The following IMMP2L variants were observed in gnomAD, a reference collection of about 807,000 sequenced individuals.
The protein encoded by IMMP2L is mitochondrial inner membrane protease subunit 2.
Under a neutral mutation model 19.3 loss-of-function variants are expected in IMMP2L, and 18 were observed. The ratio of observed to expected loss-of-function variants is 0.93; its 90% CI spans 0.64 to 1.38. IMMP2L has a LOEUF of 1.38. Ranked by LOEUF, IMMP2L falls within the 40% of genes most tolerant of loss-of-function variation. The pLI, the probability that IMMP2L is intolerant of heterozygous loss-of-function variation, is 0.00. For missense variants in IMMP2L, 233 were observed against 218.2 expected (o/e 1.07, Z -0.43); for synonymous variants, 76 against 73.0 (o/e 1.04, Z -0.21).
In IMMP2L at chr7:111,465,366, A is replaced by G. The variant is rs549443308; in HGVS notation, c.239+21872T>C. ...CCTGGGGTCTATTCCGGCTTTTAAA[A>G]GACAGTTTTCAAACCCCTACTTCAG... On this transcript the variant is annotated intron_variant, in intron 3 of 5. Coordinates refer to ENST00000405709, the MANE Select transcript of IMMP2L (RefSeq NM_032549.4). Among the ~76,000 whole-genome samples, 31 of 152,126 alleles carry G rather than the reference A, an allele frequency of 2.0e-4. No individual in the cohort carries two copies. In the South Asian group the frequency reaches 5.4e-3, roughly 27 times the overall value.
intron 3 of IMMP2L, among the ~76,000 whole-genome samples, chr7:111,284,668 G>C (rs570912583): frequency 6.6e-6 from 1 of 152,238 alleles, no homozygotes; most frequent in African/African-American, 2.4e-5. Context: ...AAATAAGAAA[G>C]GTTGCAGGCA....
Position 110,789,206 on chromosome 7 carries a change from A to G in IMMP2L, c.408+97387T>C, listed in dbSNP as rs373507037. On this transcript the variant is annotated intron_variant, in intron 5 of 5. Transcript: ENST00000405709. ...GGTCTTCCCAACCAAGGCTTTAGATATTGTCGAATAGAGGGAACAGACAAG... is the reference window on the plus strand; with the variant it reads ...GGTCTTCCCAACCAAGGCTTTAGATGTTGTCGAATAGAGGGAACAGACAAG... Among the ~76,000 whole-genome samples the G allele has an allele frequency of 4.6e-5, 7 of 151,906 alleles. 1 individual carries two copies. The highest frequency in any genetic ancestry group is 1.5e-4 in the African/African-American group (6 of 41,276).
At chr7:110,852,195 TGGAA>T in intron 5 of IMMP2L, among the ~76,000 whole-genome samples, 1 of 140,218 alleles carries the variant, frequency 7.1e-6, no homozygotes, top group Non-Finnish European at 1.5e-5. Flanking sequence ...GATGGGTGGA[TGGAA>T]GGATGGATGG....
chr7:110,922,692 TC>T (rs1814420839), intron 4 of IMMP2L, among the ~76,000 whole-genome samples: 1 of 152,148 alleles, frequency 6.6e-6, no homozygotes. Context: ...TGATCCAATA[TC>T]ACTGTCCTCT....
intron 3 of IMMP2L, among the ~76,000 whole-genome samples, chr7:111,208,345 C>T (rs1329516596): frequency 1.3e-5 from 2 of 152,120 alleles, no homozygotes; most frequent in African/African-American, 4.8e-5. Context: ...AAGATTTTTA[C>T]CCATAACATA....
chr7:111,451,567 AG>A (rs1223266646), intron 3 of IMMP2L, among the ~76,000 whole-genome samples: 4 of 68,038 alleles, frequency 5.9e-5, no homozygotes, highest in Admixed American at 2.3e-4. Flanking sequence ...TGTGGTGGGG[AG>A]GGGGGAGGGG....
At chr7:111,472,396 C>T (rs758832874) in intron 3 of IMMP2L, among the ~76,000 whole-genome samples, 34 of 152,004 alleles carry the variant, frequency 2.2e-4, no homozygotes, top group Non-Finnish European at 4.4e-4. Context: ...AATATTCATA[C>T]AAAATTAAAA....
intron 4 of IMMP2L, among the ~76,000 whole-genome samples, chr7:110,934,735 C>G (rs181973222): frequency 1.3e-5 from 2 of 152,196 alleles, no homozygotes; most frequent in Non-Finnish European, 2.9e-5. Context: ...TGCATTGATC[C>G]CTTTACCATT....
At chr7:111,430,615 A>G (rs1836529457) in intron 3 of IMMP2L, among the ~76,000 whole-genome samples, 1 of 151,846 alleles carries the variant, frequency 6.6e-6, no homozygotes, top group Non-Finnish European at 1.5e-5. Flanking sequence ...AATATAAGCA[A>G]TCACTTAGAA....
intron 5 of IMMP2L, among the ~76,000 whole-genome samples, chr7:110,694,952 G>T (rs949539685): frequency 6.6e-6 from 1 of 152,100 alleles, no homozygotes; most frequent in Non-Finnish European, 1.5e-5. Flanking sequence ...AAGTGAAAGA[G>T]CTGGACACAA....
chr7:111,452,023 C>T (rs948313267), intron 3 of IMMP2L, among the ~76,000 whole-genome samples: 3 of 152,046 alleles, frequency 2.0e-5, no homozygotes, highest in Non-Finnish European at 4.4e-5. Context: ...TATCTCCCTT[C>T]CTACTGTCCT....
At chr7:111,438,342 A>G (rs1837392078) in intron 3 of IMMP2L, among the ~76,000 whole-genome samples, 1 of 151,760 alleles carries the variant, frequency 6.6e-6, no homozygotes, top group Admixed American at 6.6e-5. Flanking sequence ...ATAGAACTAC[A>G]TTTTTTTATA....
At chr7:111,409,056 G>A (rs1834143201) in intron 3 of IMMP2L, among the ~76,000 whole-genome samples, 1 of 151,648 alleles carries the variant, frequency 6.6e-6, no homozygotes, top group South Asian at 2.1e-4. Flanking sequence ...ACAAGCTTCT[G>A]TCAGTTAAAT....
chr7:110,792,832 G>A (rs1184366546), intron 5 of IMMP2L, among the ~76,000 whole-genome samples: 2 of 152,068 alleles, frequency 1.3e-5, no homozygotes, highest in Non-Finnish European at 1.5e-5. Context: ...AAGATCCTCT[G>A]TGCTCCACCT....
intron 3 of IMMP2L, among the ~76,000 whole-genome samples, chr7:111,086,616 A>C (rs1796365844): frequency 6.6e-6 from 1 of 152,220 alleles, no homozygotes; most frequent in Admixed American, 6.5e-5. Context: ...TACTCACCTT[A>C]CATCATGTTT....
At chr7:111,011,313 G>C (rs190249497) in intron 3 of IMMP2L, among the ~76,000 whole-genome samples, 239 of 152,156 alleles carry the variant, frequency 1.6e-3, no homozygotes, top group African/African-American at 5.5e-3. Context: ...ATAACTAAGT[G>C]GTCAGACTAT....
intron 3 of IMMP2L, among the ~76,000 whole-genome samples, chr7:111,267,402 A>T (rs1817946187): frequency 1.3e-5 from 2 of 152,136 alleles, no homozygotes; most frequent in Admixed American, 6.6e-5. Flanking sequence ...TTATTATTTA[A>T]CATTTGTTTC....
chr7:111,555,866 A>G (rs575329925), intron 1 of IMMP2L, among the ~76,000 whole-genome samples: 24 of 151,500 alleles, frequency 1.6e-4, no homozygotes, highest in Non-Finnish European at 3.1e-4. Flanking sequence ...AAAACAAGAG[A>G]TAAGTGTTGG....
At chr7:111,455,461 G>A (rs891683288) in intron 3 of IMMP2L, among the ~76,000 whole-genome samples, 2 of 151,782 alleles carry the variant, frequency 1.3e-5, no homozygotes, top group Non-Finnish European at 2.9e-5. Flanking sequence ...CCATAAACAG[G>A]CTTTCTTAAA....
Sources: allele counts gnomAD v4.1 joint callset (sites outside exome capture counted in the v4.1 genomes callset), GRCh38; gene constraint gnomAD v4.1.1; transcripts MANE v1.5; gene names NCBI Gene and HGNC (gene_info 2026-07-23, HGNC 2026-07-21).